The following RABGAP1L variants were observed in gnomAD, a reference collection of about 807,000 sequenced individuals.
RABGAP1L encodes the protein rab GTPase-activating protein 1-like.
Under a neutral mutation model 137.7 loss-of-function variants are expected in RABGAP1L, and 63 were observed. The ratio of observed to expected loss-of-function variants is 0.46; its 90% CI spans 0.37 to 0.56. RABGAP1L has a LOEUF of 0.56. RABGAP1L is among the 20% of genes least tolerant of loss of function. The pLI is 0.00. For synonymous variants in RABGAP1L, 431 were observed against 433.7 expected, an observed-to-expected ratio of 0.99 and a Z score of 0.08; for missense variants, 1,095 against 1,244.0, an observed-to-expected ratio of 0.88 and a Z score of 1.80.
At chr1:174,765,271 A>G (rs1308222466) in intron 18 of RABGAP1L, among the ~76,000 whole-genome samples, 1 of 152,184 alleles carries the variant, frequency 6.6e-6, no homozygotes, top group Non-Finnish European at 1.5e-5. Context: ...GATGTGGGAC[A>G]TCTTTTCTAG....
intron 13 of RABGAP1L, among the ~76,000 whole-genome samples, chr1:174,410,263 G>A (rs1649770459): frequency 6.6e-6 from 1 of 152,064 alleles, no homozygotes; most frequent in African/African-American, 2.4e-5. Flanking sequence ...ATTGGGGGTG[G>A]GTTCCCCCGA....
At chr1:174,835,642 C>T (rs573984147) in intron 19 of RABGAP1L, among the ~76,000 whole-genome samples, 1 of 152,290 alleles carries the variant, frequency 6.6e-6, no homozygotes, top group South Asian at 2.1e-4. Context: ...CCAGCCTCCT[C>T]TGGCTTCTAA....
At chr1:174,168,907 A>T (rs991316399) in intron 1 of RABGAP1L, among the ~76,000 whole-genome samples, 1 of 152,208 alleles carries the variant, frequency 6.6e-6, no homozygotes, top group Non-Finnish European at 1.5e-5. Flanking sequence ...ACATGTATAG[A>T]TTCTTACATG....
intron 1 of RABGAP1L, among the ~76,000 whole-genome samples, chr1:174,166,173 T>C (rs2148204452): frequency 6.6e-6 from 1 of 152,290 alleles, no homozygotes; most frequent in Non-Finnish European, 1.5e-5. Flanking sequence ...ACCTTGAGTT[T>C]ACCAATCCTA....
intron 19 of RABGAP1L, among the ~76,000 whole-genome samples, chr1:174,822,496 C>A (rs1190537475): frequency 6.6e-6 from 1 of 152,180 alleles, no homozygotes; most frequent in Non-Finnish European, 1.5e-5. Flanking sequence ...CAGGCACCTT[C>A]CACATTTAAA....
At chr1:174,746,854 A>G (rs964646480) in intron 17 of RABGAP1L, among the ~76,000 whole-genome samples, 5 of 152,228 alleles carry the variant, frequency 3.3e-5, no homozygotes, top group Admixed American at 3.3e-4. Context: ...CCTTTAATGT[A>G]ATTAATTCAT....
intron 13 of RABGAP1L, among the ~76,000 whole-genome samples, chr1:174,615,006 C>A (rs891349352): frequency 1.3e-5 from 2 of 152,206 alleles, no homozygotes; most frequent in African/African-American, 4.8e-5. Context: ...TTATTAACTT[C>A]TTTGCCTTTG....
intron 14 of RABGAP1L, among the ~76,000 whole-genome samples, chr1:174,673,799 C>G (rs1452758846): frequency 6.6e-6 from 1 of 152,076 alleles, no homozygotes; most frequent in Non-Finnish European, 1.5e-5. Context: ...TAGAGTTGAG[C>G]ATGCTGAAGT....
chr1:174,366,110 C>G (rs1684587588), intron 11 of RABGAP1L, among the ~76,000 whole-genome samples: 1 of 152,098 alleles, frequency 6.6e-6, no homozygotes, highest in Non-Finnish European at 1.5e-5. Flanking sequence ...TTTAACTTCT[C>G]AAGAAGTCTA....
intron 17 of RABGAP1L, among the ~76,000 whole-genome samples, chr1:174,708,127 C>G (rs1680186019): frequency 6.6e-6 from 1 of 152,130 alleles, no homozygotes; most frequent in South Asian, 2.1e-4. Context: ...TCTTCTGCTT[C>G]TCTTCTCTTC....
chr1:174,440,983 A>G (rs947425557), intron 13 of RABGAP1L, among the ~76,000 whole-genome samples: 5 of 152,042 alleles, frequency 3.3e-5, no homozygotes, highest in African/African-American at 1.2e-4. Flanking sequence ...TTTAAGTTCT[A>G]TTGAGGAGTA....
At chr1:174,721,625 A>T (rs1681544938) in intron 17 of RABGAP1L, among the ~76,000 whole-genome samples, 1 of 152,238 alleles carries the variant, frequency 6.6e-6, no homozygotes, top group South Asian at 2.1e-4. Context: ...AAAAATAGGC[A>T]GGTATTTTAT....
intron 20 of RABGAP1L, among the ~76,000 whole-genome samples, chr1:174,961,861 A>G (rs1227397079): frequency 5.0e-5 from 7 of 139,802 alleles, no homozygotes; most frequent in Non-Finnish European, 7.5e-5. Flanking sequence ...AAAAAAAAAA[A>G]AAAAAAAAGA....
chr1:174,725,571 T>C (rs1039734324), intron 17 of RABGAP1L, among the ~76,000 whole-genome samples: 4 of 152,234 alleles, frequency 2.6e-5, no homozygotes, highest in Non-Finnish European at 4.4e-5. Context: ...TTTATTTTCA[T>C]TTTTAATCTT....
At chr1:174,431,295 T>A (rs1652600480) in intron 13 of RABGAP1L, among the ~76,000 whole-genome samples, 1 of 152,178 alleles carries the variant, frequency 6.6e-6, no homozygotes, top group Non-Finnish European at 1.5e-5. Flanking sequence ...TGGGATTTCA[T>A]TGATATAAAA....
At chr1:174,249,033 A>C (rs575266801) in intron 5 of RABGAP1L, among the ~76,000 whole-genome samples, 1 of 152,308 alleles carries the variant, frequency 6.6e-6, no homozygotes, top group South Asian at 2.1e-4. Flanking sequence ...TTTTGGAACC[A>C]AGAAGTAGAA....
chr1:174,335,063 A>G (rs1285116721), intron 11 of RABGAP1L, among the ~76,000 whole-genome samples: 1 of 152,134 alleles, frequency 6.6e-6, no homozygotes, highest in Non-Finnish European at 1.5e-5. Flanking sequence ...GTCTTTTGAA[A>G]TATGTATTAG....
Position 174,305,143 on chromosome 1 carries a change from T to C in RABGAP1L, c.1465+16T>C. 1.6e-5 allele frequency: 24 copies of C among 1,516,390 alleles called. No individual in the cohort carries two copies. Among genetic ancestry groups the C allele is most frequent in the Non-Finnish European group, 2.0e-5 (23 of 1,143,830 alleles). The allele number at this position is 1,516,390 out of a possible 1,614,324, so 93.9% of individuals were successfully genotyped here. ...GCAGAAGAGGGTAAGAAGTTGGACT[T>C]ACTCAGTTTATTCTGTCTGTATAGC... On this transcript the variant is annotated intron_variant, in intron 11 of 25. Transcript: ENST00000681986.
In RABGAP1L at chr1:174,504,616, C is replaced by G. The variant is rs145025432; in HGVS notation, c.1710+110471C>G. On this transcript the variant is annotated intron_variant, in intron 13 of 25. Transcript: ENST00000681986. The stretch of plus-strand genomic sequence containing the variant: ...TTTTGACAACTATGCCAAGAACACA[C>G]AAGATGGAAAAGACAGTCTCTTCAA... Among the ~76,000 whole-genome samples, 1,031 of 152,172 alleles carry G rather than the reference C, an allele frequency of 6.8e-3. 1 individual carries two copies. Among genetic ancestry groups the G allele is most frequent in the Non-Finnish European group, 9.8e-3 (663 of 67,986 alleles).
Sources: gnomAD v4.1 joint callset for allele counts (sites outside exome capture counted in the v4.1 genomes callset) on GRCh38, gnomAD v4.1.1 for gene constraint, MANE v1.5 for transcripts, NCBI Gene and HGNC (gene_info 2026-07-23, HGNC 2026-07-21) for gene names.